SLC24A3: variants seen among roughly 807,000 people sequenced by gnomAD.
SLC24A3 encodes the protein solute carrier family 24 member 3.
A neutral mutation model predicts 75.8 loss-of-function variants in SLC24A3; 28 were observed. The ratio of observed to expected loss-of-function variants is 0.37; its 90% CI spans 0.27 to 0.51. The LOEUF (loss-of-function observed/expected upper bound fraction) is 0.51, where lower values mean the gene tolerates loss of function less well. Among genes scored for constraint, SLC24A3 ranks in the 20% least tolerant of loss-of-function variants. SLC24A3 has a pLI of 0.94. For missense variants in SLC24A3, 663 were observed against 847.8 expected (o/e 0.78, Z 2.71); for synonymous variants, 372 against 334.1 (o/e 1.11, Z -1.24).
intron 2 of SLC24A3, among the ~76,000 whole-genome samples, chr20:19,470,008 C>T (rs1022654869): frequency 6.6e-6 from 1 of 152,254 alleles, no homozygotes; most frequent in East Asian, 1.9e-4. Flanking sequence ...CAGCCAGGGA[C>T]CCTTGCTTGA....
chr20:19,720,382 G>T (rs138646664), intron 16 of SLC24A3, among the ~76,000 whole-genome samples: 1 of 152,282 alleles, frequency 6.6e-6, no homozygotes, highest in South Asian at 2.1e-4. Flanking sequence ...GGCAAGAGCC[G>T]GGCGGAAAGC....
chr20:19,517,725 C>T (rs6046155), intron 3 of SLC24A3, among the ~76,000 whole-genome samples: 3,968 of 152,314 alleles, frequency 0.026, 165 homozygotes, highest in African/African-American at 0.082. Context: ...GAATTCTCCA[C>T]CCAAATAGCC....
chr20:19,315,609 A>C (rs1984568295), intron 2 of SLC24A3, among the ~76,000 whole-genome samples: 2 of 152,108 alleles, frequency 1.3e-5, no homozygotes, highest in Admixed American at 1.3e-4. Context: ...GTGGTCATAG[A>C]AATTACATGG....
chr20:19,396,917 A>G (rs1986463530), intron 2 of SLC24A3, among the ~76,000 whole-genome samples: 1 of 152,216 alleles, frequency 6.6e-6, no homozygotes, highest in Non-Finnish European at 1.5e-5. Context: ...ATCTCAGTCA[A>G]CAGAACTGAA....
intron 15 of SLC24A3, among the ~76,000 whole-genome samples, chr20:19,709,560 C>T (rs1434921957): frequency 2.0e-5 from 3 of 151,806 alleles, no homozygotes; most frequent in South Asian, 4.2e-4. Context: ...AGGTGGAAGT[C>T]GCAGTGAACT....
chr20:19,402,594 C>G (rs1162634967), intron 2 of SLC24A3, among the ~76,000 whole-genome samples: 1 of 152,156 alleles, frequency 6.6e-6, no homozygotes, highest in Non-Finnish European at 1.5e-5. Flanking sequence ...AAAATAATAA[C>G]AACAAACAGA....
intron 2 of SLC24A3, among the ~76,000 whole-genome samples, chr20:19,491,662 G>A (rs1988210957): frequency 6.6e-6 from 1 of 152,142 alleles, no homozygotes; most frequent in Non-Finnish European, 1.5e-5. Flanking sequence ...TGTTCCCAAT[G>A]AGGATGGGCT....
intron 3 of SLC24A3, among the ~76,000 whole-genome samples, chr20:19,524,622 TCTTA>T (rs1271402945): frequency 6.6e-6 from 1 of 152,206 alleles, no homozygotes; most frequent in Non-Finnish European, 1.5e-5. Context: ...CTCCTCTTCA[TCTTA>T]CTTGTTTATT....
intron 15 of SLC24A3, among the ~76,000 whole-genome samples, chr20:19,702,285 A>G (rs775896201): frequency 1.3e-5 from 2 of 152,222 alleles, no homozygotes; most frequent in Non-Finnish European, 2.9e-5. Flanking sequence ...CCAGATCTCA[A>G]TGTCTACTGA....
chr20:19,325,795 T>TAGAG lies in SLC24A3; in HGVS notation c.271+44749_271+44752dup, dbSNP rs745745496. 5.8e-3 allele frequency among the ~76,000 whole-genome samples: 394 copies of TAGAG among 67,754 alleles called. 4 individuals carry two copies. Among genetic ancestry groups the TAGAG allele is most frequent in the Middle Eastern group, 8.6e-3 (1 of 116 alleles). 44.4% of individuals were successfully genotyped at this position (67,754 alleles called of 152,430 possible). ...ATATATACATATATATATATATATA[T>TAGAG]AGAGAGAGAGAGAGAGAGAGAGAGA... On this transcript the variant is annotated intron_variant, in intron 2 of 16. Transcript: ENST00000328041.
Position 19,721,014 on chromosome 20 carries a change from G to C in SLC24A3, c.1809G>C (p.Lys603Asn), listed in dbSNP as rs764116366. 1.2e-6 allele frequency: 2 copies of C among 1,614,054 alleles called. No individual in the cohort carries two copies. Among genetic ancestry groups the C allele is most frequent in the African/African-American group, 2.7e-5 (2 of 75,008 alleles). The change falls in exon 17 of 17, where the codon AAG becomes AAC. Residue 603 changes from lysine (K) to asparagine (N), a missense_variant. This residue lies in a region of SLC24A3 where 510 missense variants were observed against 703.6 expected (regional missense o/e 0.72). Coordinates refer to ENST00000328041, the MANE Select transcript of SLC24A3 (RefSeq NM_020689.4). Reference protein sequence around the residue: ...FVTVFGVHLNKWQLDKKLGCG... With the variant: ...FVTVFGVHLNNWQLDKKLGCG... ...AGGTGTTCGGCGTCCACCTGAACAA[G>C]TGGCAGCTGGACAAGAAGCTGGGCT...
intron 2 of SLC24A3, among the ~76,000 whole-genome samples, chr20:19,432,853 G>T (rs1412162691): frequency 1.3e-5 from 2 of 152,190 alleles, no homozygotes; most frequent in Non-Finnish European, 2.9e-5. Context: ...ACTTTCAGTG[G>T]ATGATGGTGG....
At chr20:19,587,901 C>T (rs2031321436) in intron 6 of SLC24A3, among the ~76,000 whole-genome samples, 3 of 152,192 alleles carry the variant, frequency 2.0e-5, no homozygotes, top group Non-Finnish European at 4.4e-5. Context: ...TCAGAATACG[C>T]ATCCCTGGGG....
chr20:19,500,970 C>G (rs370888842), intron 2 of SLC24A3, among the ~76,000 whole-genome samples: 2 of 152,192 alleles, frequency 1.3e-5, no homozygotes, highest in African/African-American at 4.8e-5. Flanking sequence ...GTTGCTACCA[C>G]TACCTCTTGC....
At chr20:19,654,641 C>CTTTTTTT (rs34507566) in intron 7 of SLC24A3, among the ~76,000 whole-genome samples, 7 of 89,968 alleles carry the variant, frequency 7.8e-5, no homozygotes, top group Non-Finnish European at 1.0e-4. Context: ...AAATAGAATC[C>CTTTTTTT]TTTTTTTTTT....
intron 1 of SLC24A3, among the ~76,000 whole-genome samples, chr20:19,262,666 A>G (rs531727795): frequency 2.6e-5 from 4 of 152,122 alleles, no homozygotes; most frequent in Non-Finnish European, 4.4e-5. Context: ...CCCTTTCTCC[A>G]TAACTTTCTG....
intron 1 of SLC24A3, among the ~76,000 whole-genome samples, chr20:19,264,847 A>T (rs1353899734): frequency 6.6e-6 from 1 of 152,054 alleles, no homozygotes; most frequent in East Asian, 1.9e-4. Context: ...TCACGTGGAC[A>T]ATTCTGGGAA....
At chr20:19,223,790 T>A (rs928004343) in intron 1 of SLC24A3, among the ~76,000 whole-genome samples, 2 of 152,130 alleles carry the variant, frequency 1.3e-5, no homozygotes, top group African/African-American at 4.8e-5. Flanking sequence ...GCCTGTGACA[T>A]AGCGTTAGGC....
intron 1 of SLC24A3, among the ~76,000 whole-genome samples, chr20:19,221,496 C>T: frequency 6.6e-6 from 1 of 152,164 alleles, no homozygotes; most frequent in East Asian, 1.9e-4. Context: ...AGGGTCACAG[C>T]CTCCAGGTGC....
Sources: allele counts gnomAD v4.1 joint callset (sites outside exome capture counted in the v4.1 genomes callset), GRCh38; gene constraint gnomAD v4.1.1; regional missense constraint gnomAD v4.1.1; transcripts MANE v1.5; gene names NCBI Gene and HGNC (gene_info 2026-07-23, HGNC 2026-07-21).